Variants in MSH3 observed in about 807,000 individuals in gnomAD.
MSH3 encodes the protein DNA mismatch repair protein Msh3.
Under a neutral mutation model 123.3 loss-of-function variants are expected in MSH3, and 106 were observed. The ratio of observed to expected loss-of-function variants is 0.86; its 90% CI spans 0.73 to 1.01. MSH3 has a LOEUF of 1.01. Ranked by LOEUF, MSH3 falls within the 50% of genes least tolerant of loss-of-function variation. MSH3 has a pLI of 0.00. For synonymous variants in MSH3, 515 were observed against 481.4 expected (o/e 1.07, Z -0.91); for missense variants, 1,459 against 1,347.6 (o/e 1.08, Z -1.29).
At chr5:80,754,556 T>A (rs1269375295) in intron 12 of MSH3, among the ~76,000 whole-genome samples, 5 of 152,176 alleles carry the variant, frequency 3.3e-5, no homozygotes, top group African/African-American at 1.2e-4. Context: ...ACTCACTCTA[T>A]AACTCAATAC....
intron 4 of MSH3, among the ~76,000 whole-genome samples, chr5:80,670,943 A>G (rs1238402299): frequency 6.6e-6 from 1 of 151,942 alleles, no homozygotes; most frequent in African/African-American, 2.4e-5. Flanking sequence ...AACATGGTGA[A>G]ACCGCATCTC....
intron 8 of MSH3, 134 bp downstream of exon 8, chr5:80,679,227 T>TAA: frequency 1.6e-5 from 14 of 866,208 alleles, no homozygotes; most frequent in East Asian, 3.0e-5. Context: ...AGTGGAAATT[T>TAA]AAAAAAAAAA....
chr5:80,853,721 T>C (rs906972436), intron 20 of MSH3, among the ~76,000 whole-genome samples: 4 of 152,064 alleles, frequency 2.6e-5, no homozygotes, highest in Non-Finnish European at 4.4e-5. Flanking sequence ...CAGTATGGAA[T>C]CTTCTTAAGG....
At chr5:80,691,952 G>T (rs1283317478) in intron 8 of MSH3, among the ~76,000 whole-genome samples, 1 of 94,708 alleles carries the variant, frequency 1.1e-5, no homozygotes, top group East Asian at 2.7e-4. Context: ...TGTTTATATA[G>T]ATAAACATGT....
chr5:80,738,399 C>G (rs1743552151), intron 10 of MSH3, among the ~76,000 whole-genome samples: 1 of 152,088 alleles, frequency 6.6e-6, no homozygotes. Context: ...TTCAGTGGTT[C>G]ACTTGAGGCA....
intron 20 of MSH3, among the ~76,000 whole-genome samples, chr5:80,835,713 G>A (rs181825): frequency 0.053 from 8,094 of 152,072 alleles, 276 homozygotes; most frequent in South Asian, 0.081. Flanking sequence ...TCAGGAGTTC[G>A]AGACCAGCCT....
intron 19 of MSH3, among the ~76,000 whole-genome samples, chr5:80,808,669 A>G (rs914898984): frequency 1.3e-5 from 2 of 151,936 alleles, no homozygotes; most frequent in African/African-American, 2.4e-5. Flanking sequence ...TGAAGTTCAA[A>G]TAAACTAAAA....
At chr5:80,833,550 C>A (rs956244048) in intron 20 of MSH3, among the ~76,000 whole-genome samples, 1 of 152,222 alleles carries the variant, frequency 6.6e-6, no homozygotes, top group East Asian at 1.9e-4. Flanking sequence ...TCAAGTGAGT[C>A]TCCTGCCTCA....
intron 19 of MSH3, among the ~76,000 whole-genome samples, chr5:80,810,618 AT>A (rs1744994115): frequency 6.6e-6 from 1 of 152,110 alleles, no homozygotes; most frequent in South Asian, 2.1e-4. Flanking sequence ...ATACATGTCA[AT>A]CTGTTTCTGT....
At chr5:80,773,164 CA>C (rs966294224) in intron 15 of MSH3, among the ~76,000 whole-genome samples, 16 of 152,166 alleles carry the variant, frequency 1.1e-4, no homozygotes, top group Non-Finnish European at 1.8e-4. Context: ...GTGTCCTTCC[CA>C]AATATCAGTG....
At position 80,772,077 on chromosome 5, in the gene MSH3, A is replaced by G. The variant is rs571453338; in HGVS notation, c.2253+3074A>G. Among the ~76,000 whole-genome samples, 7 of 152,314 alleles carry G rather than the reference A, an allele frequency of 4.6e-5. No homozygotes were observed. The South Asian group carries it at 1.5e-3, about 32-fold the overall frequency. On this transcript the variant is annotated intron_variant, in intron 15 of 23. Coordinates refer to ENST00000265081, the MANE Select transcript of MSH3 (RefSeq NM_002439.5). Reference sequence around the variant, plus strand: ...TTGCAGTCTCTATCATATTTTATGAATATATACCAATTATCTCTTAACCTT... The same window carrying G: ...TTGCAGTCTCTATCATATTTTATGAGTATATACCAATTATCTCTTAACCTT...
At chr5:80,770,789 AAAGTTT>A (rs1306526571) in intron 15 of MSH3, among the ~76,000 whole-genome samples, 3 of 152,252 alleles carry the variant, frequency 2.0e-5, no homozygotes, top group Non-Finnish European at 2.9e-5. Context: ...AAAATAAAAT[AAAGTTT>A]AAGTCTTGGA....
intron 8 of MSH3, among the ~76,000 whole-genome samples, chr5:80,680,776 C>G (rs1328248413): frequency 6.6e-6 from 1 of 152,078 alleles, no homozygotes. Flanking sequence ...GAAGCAAATC[C>G]TAGGGAGCAT....
intron 12 of MSH3, among the ~76,000 whole-genome samples, chr5:80,755,927 T>C (rs766298541): frequency 6.6e-6 from 1 of 152,174 alleles, no homozygotes; most frequent in East Asian, 1.9e-4. Context: ...CCCTCCCTCA[T>C]AGATTTTCAG....
chr5:80,800,791 A>T (rs2112036516), intron 19 of MSH3, among the ~76,000 whole-genome samples: 1 of 152,354 alleles, frequency 6.6e-6, no homozygotes, highest in East Asian at 1.9e-4. Flanking sequence ...ACTAGAAGAC[A>T]CAATTCCTGC....
chr5:80,795,745 G>A (rs559940026), intron 19 of MSH3, among the ~76,000 whole-genome samples: 2 of 152,178 alleles, frequency 1.3e-5, no homozygotes, highest in African/African-American at 4.8e-5. Flanking sequence ...TCTTTTTATT[G>A]TCTTTAAAAA....
intron 12 of MSH3, among the ~76,000 whole-genome samples, chr5:80,748,708 A>G (rs1266339659): frequency 6.7e-6 from 1 of 149,980 alleles, no homozygotes; most frequent in Non-Finnish European, 1.5e-5. Context: ...ACACACACAC[A>G]CACACACACA....
Position 80,690,179 on chromosome 5 carries a change from G to A in MSH3, c.1340+11086G>A, listed in dbSNP as rs147690312. Among the ~76,000 whole-genome samples the A allele has an allele frequency of 3.7e-3, 568 of 152,140 alleles. 2 individuals are homozygous for A. The highest frequency in any genetic ancestry group is 0.024 in the Middle Eastern group (7 of 294). ...AGTGATGCTCTCACCTCAGCCTTGC[G>A]AGTTCTTGGAATTATAGGCATGAGC... On this transcript the variant is annotated intron_variant, in intron 8 of 23. Transcript: ENST00000265081.
At chr5:80,798,315 G>A (rs1394401969) in intron 19 of MSH3, among the ~76,000 whole-genome samples, 1 of 151,704 alleles carries the variant, frequency 6.6e-6, no homozygotes, top group Non-Finnish European at 1.5e-5. Context: ...GTATGGAATG[G>A]GTGCTCACAC....
Sources: allele counts gnomAD v4.1 joint callset (sites outside exome capture counted in the v4.1 genomes callset), GRCh38; gene constraint gnomAD v4.1.1; transcripts MANE v1.5; gene names NCBI Gene and HGNC (gene_info 2026-07-23, HGNC 2026-07-21).